TNKS: variants seen among roughly 807,000 people sequenced by gnomAD.
TNKS encodes the protein poly [ADP-ribose] polymerase tankyrase-1.
Under a neutral mutation model 135.8 loss-of-function variants are expected in TNKS, and 72 were observed. The observed-to-expected ratio is 0.53, with a 90% CI of 0.44 to 0.64. TNKS has a LOEUF of 0.64. Ranked by LOEUF, TNKS falls within the 30% of genes least tolerant of loss-of-function variation. TNKS has a pLI of 0.00. For synonymous variants in TNKS, 849 were observed against 649.3 expected, an observed-to-expected ratio of 1.31 and a Z score of -4.68; for missense variants, 1,769 against 1,674.0, an observed-to-expected ratio of 1.06 and a Z score of -0.99.
Position 9,679,899 on chromosome 8 carries a change from T to C in TNKS, c.995-52T>C. ...CTCTATTTGCTGCCTACTGCATTTC[T>C]TAATCTGTCTTCTGCCAAATGCTAA... On this transcript the variant is annotated intron_variant, in intron 3 of 26. Transcript: ENST00000310430. 7 of 1,474,794 alleles carry C rather than the reference T, an allele frequency of 4.7e-6. No homozygotes were observed. In the Admixed American group the frequency reaches 5.0e-5, roughly 11 times the overall value. 91.4% of individuals were successfully genotyped at this position (1,474,794 alleles called of 1,614,324 possible).
intron 18 of TNKS, among the ~76,000 whole-genome samples, chr8:9,749,325 G>C (rs1425228812): frequency 6.6e-6 from 1 of 152,114 alleles, no homozygotes; most frequent in African/African-American, 2.4e-5. Context: ...TCATCACTGG[G>C]TCCTTAGCAA....
In TNKS at chr8:9,765,692, A is replaced by G; in HGVS notation, c.3448A>G (p.Ile1150Val). Residue 1150 changes from isoleucine (I) to valine (V), a missense_variant and splice_region_variant, in exon 24 of 27, where the codon ATT becomes GTT. Ile to Val is a conservative substitution (Grantham distance 29). Coordinates refer to ENST00000310430, the MANE Select transcript of TNKS (RefSeq NM_003747.3). ...GTTTCTTTCTTCTTCATCCTTAAAG[A>G]TTCAAAAAGTTGTCAACAAGAAGTT... ...GIFNRYNVIR[I>V]QKVVNKKLRE... 6 of 1,612,906 alleles carry G rather than the reference A, an allele frequency of 3.7e-6. No individual in the cohort carries two copies. Among genetic ancestry groups the G allele is most frequent in the Non-Finnish European group, 3.4e-6 (4 of 1,178,984 alleles).
Position 9,764,746 on chromosome 8 carries a change from G to A in TNKS, c.3403G>A (p.Gly1135Ser). The A allele has an allele frequency of 6.3e-7, 1 of 1,599,870 alleles. No individual in the cohort carries two copies. The highest frequency in any genetic ancestry group is 1.1e-5 in the South Asian group (1 of 87,582). The change falls in exon 23 of 27, where the codon GGT (glycine) becomes AGT (serine). Residue 1135 changes from glycine (G) to serine (S), a missense_variant. Gly to Ser is a moderately conservative substitution (Grantham distance 56, BLOSUM62 0). Around this residue, in one of 5 missense-constraint regions of TNKS, gnomAD observed 722 missense variants for 688.9 expected, o/e 1.05. Transcript: ENST00000310430. ...AAGTACTATTCGAGAACACAGAGATGGTGGTAATGCTGGCGGCATCTTCAA... is the reference window on the plus strand; with the variant it reads ...AAGTACTATTCGAGAACACAGAGATAGTGGTAATGCTGGCGGCATCTTCAA... The part of the protein sequence containing the change: ...MQSTIREHRD[G>S]GNAGGIFNRY...
At chr8:9,678,280 G>A (rs951056216) in intron 3 of TNKS, among the ~76,000 whole-genome samples, 1 of 152,136 alleles carries the variant, frequency 6.6e-6, no homozygotes, top group African/African-American at 2.4e-5. Context: ...TTCCTCACAA[G>A]GAGCTTTTAA....
chr8:9,661,372 G>T (rs543659802), intron 3 of TNKS, among the ~76,000 whole-genome samples: 2 of 152,142 alleles, frequency 1.3e-5, no homozygotes, highest in Admixed American at 6.5e-5. Flanking sequence ...CATGGTACTG[G>T]TACCAAAACA....
intron 1 of TNKS, among the ~76,000 whole-genome samples, chr8:9,578,169 G>T (rs576447778): frequency 6.6e-6 from 1 of 152,174 alleles, no homozygotes; most frequent in African/African-American, 2.4e-5. Context: ...TCAAGGGCTG[G>T]TGCTGATTAG....
intron 2 of TNKS, among the ~76,000 whole-genome samples, chr8:9,580,671 G>A (rs1440444961): frequency 6.6e-6 from 1 of 152,042 alleles, no homozygotes; most frequent in African/African-American, 2.4e-5. Context: ...TTTAAAGACT[G>A]GACATTTTCT....
rs190429994 is a variant in TNKS, at chr8:9,640,990, G to A, written c.994+25313G>A. On this transcript the variant is annotated intron_variant, in intron 3 of 26. Transcript: ENST00000310430. ...GAACAAACATCTACCTCCTTAGCCC[G>A]TCTCCCTAAATCTCCCAACCAAAGC... is the stretch of plus-strand genomic sequence containing the variant. Among the ~76,000 whole-genome samples, 142 of 145,460 alleles carry A rather than the reference G, an allele frequency of 9.8e-4. 17 individuals carry two copies. Among genetic ancestry groups the A allele is most frequent in the Admixed American group, 1.7e-3 (23 of 13,790 alleles).
chr8:9,587,424 G>T (rs1398596832), intron 2 of TNKS, among the ~76,000 whole-genome samples: 1 of 150,198 alleles, frequency 6.7e-6, no homozygotes, highest in African/African-American at 2.5e-5. Context: ...TCTTCAAATG[G>T]AGTCTCGCTC....
rs1200208056 is a variant in TNKS at position 9,772,809 on chromosome 8, TTGTGTGTGTGTGTGTGTGTGTCTG to T, written c.3897+2569_3897+2592del. ...TTGGGGAGAATGTGTGTGTGTGTGT[TTGTGTGTGTGTGTGTGTGTGTCTG>T]TGTGTGTGTGTGTGTGTGTGTGTGT... is the stretch of plus-strand genomic sequence containing the variant. On this transcript the variant is annotated intron_variant, in intron 26 of 26. Coordinates refer to ENST00000310430, the MANE Select transcript of TNKS (RefSeq NM_003747.3). 6.3e-3 allele frequency among the ~76,000 whole-genome samples: 550 copies of T among 86,680 alleles called. 6 individuals carry two copies. The highest frequency in any genetic ancestry group is 0.02 in the African/African-American group (480 of 23,920). 56.9% of individuals were successfully genotyped at this position (86,680 alleles called of 152,430 possible).
At chr8:9,595,467 G>T (rs1280756075) in intron 2 of TNKS, among the ~76,000 whole-genome samples, 1 of 151,986 alleles carries the variant, frequency 6.6e-6, no homozygotes, top group African/African-American at 2.4e-5. Flanking sequence ...ACTGCTTTCA[G>T]GAAGGTTAGA....
In TNKS at chr8:9,741,702, C is replaced by T. The variant is rs112056940; in HGVS notation, c.2643+6216C>T. ...ACTCTACGTGTGTGTCACTCGATGACCACTGTGAAGACAGTAAAATGTACA... is the reference window on the plus strand; with the variant it reads ...ACTCTACGTGTGTGTCACTCGATGATCACTGTGAAGACAGTAAAATGTACA... On this transcript the variant is annotated intron_variant, in intron 17 of 26. Coordinates refer to ENST00000310430, the MANE Select transcript of TNKS (RefSeq NM_003747.3). 1,465 of 528,730 alleles carry T rather than the reference C, an allele frequency of 2.8e-3. 16 individuals are homozygous for T. The highest frequency in any genetic ancestry group is 0.024 in the African/African-American group (1,267 of 51,998). 32.8% of individuals were successfully genotyped at this position (528,730 alleles called of 1,614,324 possible).
At chr8:9,639,000 G>T (rs1448680299) in intron 3 of TNKS, among the ~76,000 whole-genome samples, 1 of 152,142 alleles carries the variant, frequency 6.6e-6, no homozygotes, top group African/African-American at 2.4e-5. Flanking sequence ...TGTATTAACA[G>T]AGTTTTCCCT....
chr8:9,566,703 G>C (rs559163210), intron 1 of TNKS, among the ~76,000 whole-genome samples: 1 of 149,806 alleles, frequency 6.7e-6, no homozygotes, highest in Non-Finnish European at 1.5e-5. Flanking sequence ...CCGCCTCCCG[G>C]GTTCACGCCA....
intron 1 of TNKS, among the ~76,000 whole-genome samples, chr8:9,561,263 T>C (rs1186527419): frequency 2.6e-5 from 4 of 152,268 alleles, no homozygotes; most frequent in Non-Finnish European, 4.4e-5. Flanking sequence ...GCAAATCTTA[T>C]GTGTACATTC....
At chr8:9,557,460 A>T (rs192532836) in intron 1 of TNKS, 2 of 148,944 alleles carry the variant, frequency 1.3e-5, no homozygotes, top group East Asian at 2.0e-4. Context: ...TAATATGTTT[A>T]TAAAATAAAG....
intron 5 of TNKS, among the ~76,000 whole-genome samples, chr8:9,690,238 C>G (rs573577849): frequency 6.3e-4 from 96 of 152,268 alleles, no homozygotes; most frequent in Non-Finnish European, 3.4e-4. Context: ...GATTCTGAGG[C>G]TGGAAAAGAG....
intron 1 of TNKS, among the ~76,000 whole-genome samples, chr8:9,562,890 A>G (rs1419866178): frequency 6.7e-6 from 1 of 149,840 alleles, no homozygotes; most frequent in East Asian, 1.9e-4. Context: ...CTATTACAGT[A>G]TGTCTTGGTG....
At chr8:9,734,817 T>G in intron 15 of TNKS, 48 bp from the exon 16 acceptor site, 1 of 1,508,252 alleles carries the variant, frequency 6.6e-7, no homozygotes, top group Non-Finnish European at 9.1e-7. Context: ...CCTACCTACC[T>G]ACTTACTACA....
Sources: gnomAD v4.1 joint callset for allele counts (sites outside exome capture counted in the v4.1 genomes callset) on GRCh38, gnomAD v4.1.1 for gene constraint, gnomAD v4.1.1 regional missense constraint, MANE v1.5 for transcripts, NCBI Gene and HGNC (gene_info 2026-07-23, HGNC 2026-07-21) for gene names.